The following ADAM22 variants were observed in gnomAD, a reference collection of about 807,000 sequenced individuals.
The protein encoded by ADAM22 is ADAM metallopeptidase domain 22.
ADAM22 carries 65 observed loss-of-function variants against 144.6 expected under a neutral mutation model. That is an observed-to-expected ratio of 0.45 (90% CI 0.37 to 0.55). ADAM22 has a LOEUF of 0.55. ADAM22 is among the 20% of genes least tolerant of loss of function. ADAM22 has a pLI of 0.00. For missense variants in ADAM22, 974 were observed against 1,184.9 expected (o/e 0.82, Z 2.61); for synonymous variants, 391 against 412.6 (o/e 0.95, Z 0.63).
intron 3 of ADAM22, among the ~76,000 whole-genome samples, chr7:88,044,412 C>T (rs915583301): frequency 4.6e-5 from 7 of 152,082 alleles, no homozygotes; most frequent in African/African-American, 1.4e-4. Flanking sequence ...AAAAGCTCCT[C>T]GATTTGGAGA....
chr7:88,186,965 CTCTTCATTTTAT>C (rs1848465713), intron 30 of ADAM22, among the ~76,000 whole-genome samples: 1 of 152,298 alleles, frequency 6.6e-6, no homozygotes, highest in Middle Eastern at 3.4e-3. Context: ...TAGTAGCTTT[CTCTTCATTTTAT>C]GCTATGTAGT....
chr7:88,092,223 G>A (rs913372711), intron 4 of ADAM22, among the ~76,000 whole-genome samples: 1 of 152,060 alleles, frequency 6.6e-6, no homozygotes, highest in Non-Finnish European at 1.5e-5. Context: ...CCATTATCCT[G>A]CCAAGAGACT....
At chr7:88,036,268 G>A (rs1035008264) in intron 3 of ADAM22, among the ~76,000 whole-genome samples, 1 of 152,096 alleles carries the variant, frequency 6.6e-6, no homozygotes, top group Admixed American at 6.6e-5. Context: ...ATAACCCAGA[G>A]TTGTAATTGA....
At chr7:88,096,207 G>A (rs12535365) in intron 4 of ADAM22, among the ~76,000 whole-genome samples, 62,368 of 151,358 alleles carry the variant, frequency 0.41, 15,010 homozygotes, top group East Asian at 0.84. Flanking sequence ...ACAGGCATGA[G>A]TCATTGTGCC....
At chr7:88,025,484 G>A (rs1239248373) in intron 3 of ADAM22, among the ~76,000 whole-genome samples, 1 of 152,084 alleles carries the variant, frequency 6.6e-6, no homozygotes, top group Non-Finnish European at 1.5e-5. Context: ...TTTTGTTTTA[G>A]TAGTTTCAGA....
chr7:87,986,496 G>A (rs574512822), intron 3 of ADAM22, among the ~76,000 whole-genome samples: 5 of 152,254 alleles, frequency 3.3e-5, no homozygotes, highest in Non-Finnish European at 7.4e-5. Flanking sequence ...GTTTCTGAAG[G>A]GGTATTTGGA....
chr7:88,134,484 A>G (rs902715952), intron 13 of ADAM22, 65 bp downstream of exon 13: 32 of 1,315,802 alleles, frequency 2.4e-5, no homozygotes, highest in Admixed American at 1.3e-4. Context: ...TATTTTGGAG[A>G]GTAAAATTTT....
intron 7 of ADAM22, among the ~76,000 whole-genome samples, chr7:88,120,800 G>A (rs10229877): frequency 0.68 from 103,052 of 152,048 alleles, 37,302 homozygotes; most frequent in East Asian, 0.9. Flanking sequence ...AGTTTTTATC[G>A]TTATTGCTTT....
chr7:88,061,334 T>C (rs932452297), intron 3 of ADAM22, among the ~76,000 whole-genome samples: 1 of 152,234 alleles, frequency 6.6e-6, no homozygotes, highest in Non-Finnish European at 1.5e-5. Flanking sequence ...TGGATGTTCT[T>C]AATGGCATCT....
intron 3 of ADAM22, among the ~76,000 whole-genome samples, chr7:88,022,619 G>A (rs536438234): frequency 2.6e-5 from 4 of 152,220 alleles, no homozygotes; most frequent in Admixed American, 1.3e-4. Context: ...CTGTTTTGGT[G>A]TATGAAATTT....
Position 87,948,550 on chromosome 7 carries a change from A to G in ADAM22, c.246+13364A>G, listed in dbSNP as rs1210294750. Among the ~76,000 whole-genome samples the G allele has an allele frequency of 4.1e-4, 62 of 152,196 alleles. No homozygotes were observed. The South Asian group carries it at 0.012, about 31-fold the overall frequency. On this transcript the variant is annotated intron_variant, in intron 2 of 31. Transcript: ENST00000413139. ...ATAATCCCCTGGATTTAAGCTTTAA[A>G]TTATATGCTTAGTTTACCCTCTACA...
At chr7:88,133,218 T>C (rs10952915) in intron 12 of ADAM22, among the ~76,000 whole-genome samples, 29,245 of 150,988 alleles carry the variant, frequency 0.19, 4,930 homozygotes, top group African/African-American at 0.46. Context: ...CAAAAATAGG[T>C]TGGGTGTGGT....
At chr7:88,130,566 C>CA in intron 10 of ADAM22, 107 bp downstream of exon 10, 1 of 1,080,318 alleles carries the variant, frequency 9.3e-7, no homozygotes, top group South Asian at 1.7e-5. Flanking sequence ...TGTTGCACTT[C>CA]AGCCAAGGTG....
chr7:88,055,328 T>C (rs1807909402), intron 3 of ADAM22, among the ~76,000 whole-genome samples: 1 of 151,538 alleles, frequency 6.6e-6, no homozygotes, highest in South Asian at 2.1e-4. Context: ...GGTCAGGAAG[T>C]AGAGATCAGC....
At chr7:88,001,782 G>A (rs1023897340) in intron 3 of ADAM22, among the ~76,000 whole-genome samples, 1 of 151,706 alleles carries the variant, frequency 6.6e-6, no homozygotes, top group South Asian at 2.1e-4. Flanking sequence ...CCTGTTACTA[G>A]CAGGTGAGAA....
At chr7:88,171,934 T>G (rs1586467310) in intron 26 of ADAM22, among the ~76,000 whole-genome samples, 1 of 151,864 alleles carries the variant, frequency 6.6e-6, no homozygotes, top group East Asian at 1.9e-4. Flanking sequence ...GTAACACTCT[T>G]ATTGCCTAAT....
chr7:87,949,308 G>C (rs980370371), intron 2 of ADAM22, among the ~76,000 whole-genome samples: 4 of 152,170 alleles, frequency 2.6e-5, no homozygotes, highest in African/African-American at 9.7e-5. Flanking sequence ...TGATGACGAG[G>C]GGAGGGAGAC....
intron 21 of ADAM22, among the ~76,000 whole-genome samples, chr7:88,154,300 A>C (rs1586264977): frequency 6.6e-6 from 1 of 152,054 alleles, no homozygotes; most frequent in East Asian, 1.9e-4. Context: ...ATTGTCCCCA[A>C]CCTACACTTT....
chr7:87,967,736 A>G (rs1849458195), intron 2 of ADAM22, among the ~76,000 whole-genome samples: 1 of 145,398 alleles, frequency 6.9e-6, no homozygotes, highest in South Asian at 2.2e-4. Flanking sequence ...TGAGCCCTAG[A>G]GGCAGAGGTT....
Sources: gnomAD v4.1 joint callset for allele counts (sites outside exome capture counted in the v4.1 genomes callset) on GRCh38, gnomAD v4.1.1 for gene constraint, MANE v1.5 for transcripts, NCBI Gene and HGNC (gene_info 2026-07-23, HGNC 2026-07-21) for gene names.